Variants in CDH13 observed in about 807,000 individuals in gnomAD.
The protein encoded by CDH13 is cadherin-13.
Under a neutral mutation model 63.8 loss-of-function variants are expected in CDH13, and 24 were observed. The ratio of observed to expected loss-of-function variants is 0.38; its 90% confidence interval spans 0.27 to 0.53. The LOEUF (loss-of-function observed/expected upper bound fraction) is 0.53, where lower values mean the gene tolerates loss of function less well. CDH13 is among the 20% of genes least tolerant of loss of function. The pLI is 0.85. For missense variants in CDH13, 1,049 were observed against 903.1 expected, an observed-to-expected ratio of 1.16 and a Z score of -2.07; for synonymous variants, 503 against 355.3, an observed-to-expected ratio of 1.42 and a Z score of -4.67.
In CDH13 at chr16:82,998,862, C is replaced by CTTT. The variant is rs200853526; in HGVS notation, c.158-33133_158-33131dup. ...GCTGCCATGTAATTTCCCCTTGATC[C>CTTT]TTTTTTTTTTTTTTTTTGCAGATAC... On this transcript the variant is annotated intron_variant, in intron 2 of 13. Transcript: ENST00000567109. Among the ~76,000 whole-genome samples the CTTT allele has an allele frequency of 3.3e-4, 43 of 128,540 alleles. 2 individuals carry two copies. Among genetic ancestry groups the CTTT allele is most frequent in the African/African-American group, 6.0e-4 (20 of 33,382 alleles). The allele number at this position is 128,540 out of a possible 152,430, so 84.3% of individuals were successfully genotyped here.
chr16:83,368,725 A>G (rs967832484), intron 6 of CDH13, among the ~76,000 whole-genome samples: 1 of 151,316 alleles, frequency 6.6e-6, no homozygotes, highest in Admixed American at 6.6e-5. Flanking sequence ...ATGCCTTTGC[A>G]TCCTTATAGC....
At chr16:82,978,747 A>G (rs1449161155) in intron 2 of CDH13, among the ~76,000 whole-genome samples, 1 of 152,248 alleles carries the variant, frequency 6.6e-6, no homozygotes, top group Non-Finnish European at 1.5e-5. Context: ...CTCATGGAGA[A>G]CCTCTGCTAG....
At chr16:83,286,189 C>T (rs1014333686) in intron 5 of CDH13, among the ~76,000 whole-genome samples, 5 of 152,190 alleles carry the variant, frequency 3.3e-5, no homozygotes, top group South Asian at 2.1e-4. Flanking sequence ...CAAGGAGTTT[C>T]GCCTCTAGGA....
chr16:83,336,312 A>AG (rs1555531896), intron 5 of CDH13, among the ~76,000 whole-genome samples: 7 of 143,820 alleles, frequency 4.9e-5, no homozygotes, highest in Admixed American at 7.2e-5. Flanking sequence ...AAAAAAAAAA[A>AG]AAAAAAGAAA....
At chr16:82,648,635 A>T (rs536232780) in intron 1 of CDH13, among the ~76,000 whole-genome samples, 1 of 152,324 alleles carries the variant, frequency 6.6e-6, no homozygotes, top group East Asian at 1.9e-4. Context: ...AATTTATCAA[A>T]ATCCTAACTG....
intron 11 of CDH13, among the ~76,000 whole-genome samples, chr16:83,761,928 G>A (rs529499561): frequency 3.7e-4 from 56 of 151,592 alleles, no homozygotes; most frequent in Admixed American, 1.4e-3. Context: ...TTAGCCAGGC[G>A]TGGTTGTGCA....
At chr16:83,392,461 A>G (rs544255962) in intron 6 of CDH13, among the ~76,000 whole-genome samples, 2 of 152,370 alleles carry the variant, frequency 1.3e-5, no homozygotes, top group East Asian at 3.9e-4. Context: ...TTTTAGAGAA[A>G]TAATTAGATT....
At chr16:83,675,581 C>A (rs952679136) in intron 9 of CDH13, among the ~76,000 whole-genome samples, 19 of 152,174 alleles carry the variant, frequency 1.2e-4, no homozygotes, top group Non-Finnish European at 2.9e-5. Context: ...GTTATTGATA[C>A]CAACACCAGG....
intron 6 of CDH13, among the ~76,000 whole-genome samples, chr16:83,389,311 G>A (rs983656944): frequency 2.6e-5 from 4 of 151,924 alleles, no homozygotes; most frequent in African/African-American, 9.7e-5. Flanking sequence ...ATTTTTTTAG[G>A]TGTTTGTGTG....
chr16:82,823,117 CAA>C (rs936546853), intron 1 of CDH13: 1 of 152,206 alleles, frequency 6.6e-6, no homozygotes, highest in African/African-American at 2.4e-5. Context: ...ATGCCTATTC[CAA>C]GAGAGAGGCT....
intron 3 of CDH13, chr16:83,032,441 C>G (rs1242057196): frequency 3.9e-5 from 21 of 535,574 alleles, no homozygotes; most frequent in Non-Finnish European, 6.7e-5. Context: ...ATTCATGGAA[C>G]TATTTTAGGG....
chr16:82,714,668 C>G (rs118187132), intron 1 of CDH13, among the ~76,000 whole-genome samples: 51 of 119,270 alleles, frequency 4.3e-4, no homozygotes, highest in Non-Finnish European at 7.4e-4. Flanking sequence ...GAGCCGAGAT[C>G]AATCCACTGC....
intron 8 of CDH13, among the ~76,000 whole-genome samples, chr16:83,636,703 T>TA (rs1365213118): frequency 6.6e-6 from 1 of 152,188 alleles, no homozygotes; most frequent in African/African-American, 2.4e-5. Context: ...CTGTTGTGTA[T>TA]AGTGCTGCAA....
Position 83,797,541 on chromosome 16 carries a change from A to G in CDH13, c.*2511A>G, listed in dbSNP as rs1162684678. On this transcript the variant is annotated 3_prime_UTR_variant, in exon 14 of 14. Transcript: ENST00000567109. The stretch of plus-strand genomic sequence containing the variant: ...TAATAGTTTCCAGAAAAAAAGGAAA[A>G]TAAACCAATTCTTATAGGCCAAAGT... The G allele has an allele frequency of 6.6e-6, 1 of 152,232 alleles. No homozygotes were observed. Among genetic ancestry groups the G allele is most frequent in the Non-Finnish European group, 1.5e-5 (1 of 68,042 alleles). The allele number at this position is 152,232 out of a possible 1,614,324, so 9.4% of individuals were successfully genotyped here. A position where few individuals can be genotyped will look rare whatever the true frequency, so the allele number is the denominator to read the frequency against.
intron 5 of CDH13, among the ~76,000 whole-genome samples, chr16:83,218,542 C>A (rs2039605699): frequency 6.6e-6 from 1 of 152,158 alleles, no homozygotes; most frequent in African/African-American, 2.4e-5. Context: ...TTGACAGTAA[C>A]CAGAGGTGAC....
intron 8 of CDH13, among the ~76,000 whole-genome samples, chr16:83,618,591 G>C (rs868371905): frequency 6.6e-6 from 1 of 152,044 alleles, no homozygotes; most frequent in Admixed American, 6.6e-5. Flanking sequence ...CACTAACATA[G>C]CAAGTCACAG....
At chr16:83,305,852 G>C (rs372418875) in intron 5 of CDH13, among the ~76,000 whole-genome samples, 4 of 152,272 alleles carry the variant, frequency 2.6e-5, no homozygotes, top group African/African-American at 9.6e-5. Context: ...TGTAGCTGTC[G>C]CAATTATTGA....
intron 8 of CDH13, among the ~76,000 whole-genome samples, chr16:83,620,827 G>A (rs1909744658): frequency 2.0e-5 from 3 of 152,200 alleles, no homozygotes; most frequent in Non-Finnish European, 4.4e-5. Context: ...CCTTCAAGTT[G>A]CAAGTGTCCT....
At chr16:83,536,161 G>A (rs1463380177) in intron 7 of CDH13, among the ~76,000 whole-genome samples, 1 of 152,176 alleles carries the variant, frequency 6.6e-6, no homozygotes, top group African/African-American at 2.4e-5. Context: ...AGTATATACT[G>A]TGAGCCAAAA....
Sources: allele counts gnomAD v4.1 joint callset (sites outside exome capture counted in the v4.1 genomes callset), GRCh38; gene constraint gnomAD v4.1.1; transcripts MANE v1.5; gene names NCBI Gene and HGNC (gene_info 2026-07-23, HGNC 2026-07-21).